Variants in APBB2 observed in about 807,000 individuals in gnomAD.
APBB2 encodes the protein Fe65-like 1.
Under a neutral mutation model 82.5 loss-of-function variants are expected in APBB2, and 38 were observed. That is an observed-to-expected ratio of 0.46 (90% CI 0.36 to 0.60). The LOEUF is 0.60. Ranked by LOEUF, APBB2 falls within the 20% of genes least tolerant of loss-of-function variation. APBB2 has a pLI of 0.00. For missense variants in APBB2, 772 were observed against 972.3 expected (o/e 0.79, Z 2.74); for synonymous variants, 341 against 368.2 (o/e 0.93, Z 0.85).
At position 40,837,406 on chromosome 4, in the gene APBB2, A is replaced by G. The variant is rs571297454; in HGVS notation, c.1530-6829T>C. Among the ~76,000 whole-genome samples the G allele has an allele frequency of 1.1e-4, 17 of 152,332 alleles. No homozygotes were observed. The East Asian group carries it at 3.3e-3, about 29-fold the overall frequency. ...TCCCATCTCAGACAGGCTGGGAGCC[A>G]TACTCATTAACCGGGCGCCTCACAC... On this transcript the variant is annotated intron_variant, in intron 12 of 17. Coordinates refer to ENST00000508593, the MANE Select transcript of APBB2 (RefSeq NM_004307.2).
At position 40,852,195 on chromosome 4, in the gene APBB2, C is replaced by CA. The variant is rs754645358; in HGVS notation, c.1530-21619dup. Among the ~76,000 whole-genome samples, 4 of 151,474 alleles carry CA rather than the reference C, an allele frequency of 2.6e-5. No individual in the cohort carries two copies. The East Asian group carries it at 5.8e-4, about 22-fold the overall frequency. On this transcript the variant is annotated intron_variant, in intron 12 of 17. Coordinates refer to ENST00000508593, the MANE Select transcript of APBB2 (RefSeq NM_004307.2). ...TGAAACCCCGTCTCTACTAAAAATACAAAAAATTAGTGGGGCATGGTGGTG... is the reference window on the plus strand; with the variant it reads ...TGAAACCCCGTCTCTACTAAAAATACAAAAAAATTAGTGGGGCATGGTGGTG...
At chr4:41,045,264 A>G (rs1364673214) in intron 4 of APBB2, among the ~76,000 whole-genome samples, 5 of 151,652 alleles carry the variant, frequency 3.3e-5, no homozygotes, top group African/African-American at 4.9e-5. Context: ...TTATTTTGAA[A>G]TAGAATATTA....
intron 5 of APBB2, among the ~76,000 whole-genome samples, chr4:41,032,538 A>G (rs1163446909): frequency 1.3e-5 from 2 of 152,092 alleles, no homozygotes; most frequent in African/African-American, 2.4e-5. Context: ...AAACTCTACA[A>G]GCTATTAATA....
At chr4:41,053,411 C>T (rs1726775819) in intron 4 of APBB2, among the ~76,000 whole-genome samples, 2 of 152,174 alleles carry the variant, frequency 1.3e-5, no homozygotes, top group South Asian at 2.1e-4. Flanking sequence ...TTATTTCTCC[C>T]TACCCCTCAA....
At chr4:40,924,383 C>A (rs776174574) in intron 10 of APBB2, among the ~76,000 whole-genome samples, 13 of 152,216 alleles carry the variant, frequency 8.5e-5, no homozygotes, top group Non-Finnish European at 1.8e-4. Flanking sequence ...ATTAAAACCT[C>A]CCGTCCTATG....
At chr4:40,994,303 A>G (rs987064452) in intron 6 of APBB2, among the ~76,000 whole-genome samples, 12 of 150,548 alleles carry the variant, frequency 8.0e-5, no homozygotes, top group African/African-American at 2.7e-4. Context: ...AAAAAAAGAA[A>G]CACCTAGGAG....
intron 7 of APBB2, among the ~76,000 whole-genome samples, chr4:40,938,503 T>C (rs548577561): frequency 6.6e-6 from 1 of 152,190 alleles, no homozygotes; most frequent in African/African-American, 2.4e-5. Flanking sequence ...CAATTCCACA[T>C]AGCAAACAAA....
In APBB2 at chr4:41,014,275, A is replaced by T; in HGVS notation, c.143T>A (p.Leu48Gln). ...TLNLRSSHNE[L>Q]LNAEIKHTET... ...TGTGTGTTTTATTTCAGCGTTCAAC[A>T]GTTCATTGTGGGAGGATCGGAGGTT... The change falls in exon 6 of 18, where the codon CTG (leucine) becomes CAG (glutamine). Residue 48 changes from leucine to glutamine, a missense_variant. Transcript: ENST00000508593. The T allele has an allele frequency of 1.2e-6, 2 of 1,614,104 alleles. No individual in the cohort carries two copies. The highest frequency in any genetic ancestry group is 1.7e-6 in the Non-Finnish European group (2 of 1,180,030).
chr4:41,055,710 A>G (rs1727600551), intron 4 of APBB2, among the ~76,000 whole-genome samples: 1 of 152,210 alleles, frequency 6.6e-6, no homozygotes, highest in African/African-American at 2.4e-5. Flanking sequence ...CCTGGGTTCA[A>G]ATCTCAGCTC....
chr4:40,887,940 G>A (rs1438829312), intron 12 of APBB2, among the ~76,000 whole-genome samples: 3 of 152,196 alleles, frequency 2.0e-5, no homozygotes, highest in African/African-American at 7.2e-5. Flanking sequence ...TCATCAGGGA[G>A]TAGGAAGCTC....
At chr4:41,173,252 AT>A (rs1289044035) in intron 1 of APBB2, among the ~76,000 whole-genome samples, 4 of 152,258 alleles carry the variant, frequency 2.6e-5, no homozygotes, top group Non-Finnish European at 5.9e-5. Context: ...AAGGATTACC[AT>A]TTAAAATCAT....
chr4:40,894,791 G>A (rs1259538383), intron 10 of APBB2, among the ~76,000 whole-genome samples: 2 of 152,212 alleles, frequency 1.3e-5, no homozygotes, highest in South Asian at 2.1e-4. Flanking sequence ...ATCCAAAGAC[G>A]TATGGAGAAA....
chr4:40,999,123 C>T lies in APBB2; in HGVS notation c.835+14460G>A, dbSNP rs568277642. Among the ~76,000 whole-genome samples, 6 of 152,102 alleles carry T rather than the reference C, an allele frequency of 3.9e-5. No homozygotes were observed. In the East Asian group the frequency reaches 7.7e-4, roughly 20 times the overall value. On this transcript the variant is annotated intron_variant, in intron 6 of 17. Coordinates refer to ENST00000508593, the MANE Select transcript of APBB2 (RefSeq NM_004307.2). ...TTATTCCACAATATTTATTGAACAC[C>T]GGAATGTCTCAGGAGCCAGGTATCC...
At chr4:40,851,601 C>T (rs1759385072) in intron 12 of APBB2, among the ~76,000 whole-genome samples, 1 of 151,912 alleles carries the variant, frequency 6.6e-6, no homozygotes, top group South Asian at 2.1e-4. Context: ...ATTTATTCAT[C>T]CCCAGACAAG....
intron 6 of APBB2, among the ~76,000 whole-genome samples, chr4:41,000,166 TA>T (rs1204950440): frequency 6.7e-6 from 1 of 149,550 alleles, no homozygotes; most frequent in Non-Finnish European, 1.5e-5. Context: ...AAGGCTGAGG[TA>T]GGGGGATCAC....
At chr4:41,033,204 T>G in intron 5 of APBB2, 32 bp downstream of exon 5, 1 of 1,373,054 alleles carries the variant, frequency 7.3e-7, no homozygotes, top group Non-Finnish European at 1.0e-6. Flanking sequence ...CAACTGCTTC[T>G]CTGCATTGAA....
In APBB2 at chr4:40,938,351, C is replaced by T. The variant is rs76789786; in HGVS notation, c.1045-3212G>A. Among the ~76,000 whole-genome samples the T allele has an allele frequency of 3.7e-3, 564 of 152,256 alleles. 28 individuals are homozygous for T. In the East Asian group the frequency reaches 0.096, roughly 26 times the overall value. ...TGTCTAGGGGGACTGACCCAATGCC[C>T]GGGGTATGGCACTCCTCAAAACCCT... is the stretch of plus-strand genomic sequence containing the variant. On this transcript the variant is annotated intron_variant, in intron 7 of 17. Coordinates refer to ENST00000508593, the MANE Select transcript of APBB2 (RefSeq NM_004307.2).
chr4:41,074,767 T>G (rs920912876), intron 3 of APBB2, among the ~76,000 whole-genome samples: 14 of 152,004 alleles, frequency 9.2e-5, no homozygotes, highest in African/African-American at 2.9e-4. Context: ...CCGCCACCAG[T>G]CCCGGCTAAT....
chr4:40,815,906 T>C lies in APBB2; in HGVS notation c.*186A>G, dbSNP rs1158474369. ...TTACAGCAAAAAAAATTATTCATGC[T>C]TCTTTTCATATCACATGATGGTGGC... On this transcript the variant is annotated 3_prime_UTR_variant, in exon 18 of 18. Transcript: ENST00000508593. 1.2e-5 allele frequency: 8 copies of C among 656,204 alleles called. No individual in the cohort carries two copies. The highest frequency in any genetic ancestry group is 1.6e-5 in the Non-Finnish European group (6 of 387,086). The allele number at this position is 656,204 out of a possible 1,614,324, so 40.6% of individuals were successfully genotyped here. A position where few individuals can be genotyped will look rare whatever the true frequency, so the allele number is the denominator to read the frequency against.
Sources: gnomAD v4.1 joint callset for allele counts (sites outside exome capture counted in the v4.1 genomes callset) on GRCh38, gnomAD v4.1.1 for gene constraint, MANE v1.5 for transcripts, NCBI Gene and HGNC (gene_info 2026-07-23, HGNC 2026-07-21) for gene names.